The following SLC4A10 variants were observed in gnomAD, a reference collection of about 807,000 sequenced individuals.
SLC4A10 encodes solute carrier family 4 member 10, also known as sodium-driven chloride bicarbonate exchanger.
In SLC4A10, 42 loss-of-function variants were observed where a neutral mutation model predicts 137.7. The ratio of observed to expected loss-of-function variants is 0.30; its 90% CI spans 0.24 to 0.39. The LOEUF (loss-of-function observed/expected upper bound fraction) is 0.39. Ranked by LOEUF, SLC4A10 falls within the 10% of genes least tolerant of loss-of-function variation. SLC4A10 has a pLI of 1.00. For missense variants in SLC4A10, 925 were observed against 1,355.0 expected (o/e 0.68, Z 4.98); for synonymous variants, 474 against 464.1 (o/e 1.02, Z -0.27).
At chr2:161,822,207 AT>A (rs979835339) in intron 3 of SLC4A10, among the ~76,000 whole-genome samples, 1 of 152,206 alleles carries the variant, frequency 6.6e-6, no homozygotes, top group African/African-American at 2.4e-5. Context: ...AGCAATTGAG[AT>A]TTGGGGGTTG....
rs572655509 is a variant in SLC4A10 at position 161,852,460 on chromosome 2, T to C, written c.417-2510T>C. ...CCTGATGCCACTTCCTTATGGAAAG[T>C]TTCATTATAGCCCTTCCACAGAATA... On this transcript the variant is annotated intron_variant, in intron 4 of 26. Transcript: ENST00000446997. Among the ~76,000 whole-genome samples the C allele has an allele frequency of 7.9e-5, 12 of 152,310 alleles. No individual in the cohort carries two copies. In the South Asian group the frequency reaches 2.3e-3, roughly 29 times the overall value.
At chr2:161,710,918 T>A (rs1445077281) in intron 1 of SLC4A10, among the ~76,000 whole-genome samples, 1 of 151,792 alleles carries the variant, frequency 6.6e-6, no homozygotes, top group Non-Finnish European at 1.5e-5. Context: ...TAAATTGTGT[T>A]CACATTTTGA....
chr2:161,661,084 A>T (rs986439656), intron 1 of SLC4A10, among the ~76,000 whole-genome samples: 3 of 152,198 alleles, frequency 2.0e-5, no homozygotes, highest in Non-Finnish European at 4.4e-5. Context: ...TTTAATTTAT[A>T]TCATATAATT....
intron 1 of SLC4A10, among the ~76,000 whole-genome samples, chr2:161,717,916 T>G (rs1264941243): frequency 6.6e-6 from 1 of 152,206 alleles, no homozygotes; most frequent in Non-Finnish European, 1.5e-5. Flanking sequence ...TAAATTCATC[T>G]GGTCCTGGGC....
intron 1 of SLC4A10, among the ~76,000 whole-genome samples, chr2:161,707,821 T>G (rs1470208072): frequency 6.6e-6 from 1 of 151,524 alleles, no homozygotes; most frequent in Non-Finnish European, 1.5e-5. Context: ...ATGAAGAATC[T>G]GAAACATAAA....
chr2:161,780,103 G>T (rs2052837466), intron 2 of SLC4A10, among the ~76,000 whole-genome samples: 2 of 151,932 alleles, frequency 1.3e-5, no homozygotes, highest in African/African-American at 4.8e-5. Flanking sequence ...TATCCATCAT[G>T]TCAGAACAAG....
At chr2:161,769,020 T>A (rs1454841533) in intron 1 of SLC4A10, among the ~76,000 whole-genome samples, 1 of 151,946 alleles carries the variant, frequency 6.6e-6, no homozygotes, top group African/African-American at 2.4e-5. Context: ...AAATTATAAA[T>A]CTACTCTAAC....
At chr2:161,693,375 A>G (rs561337720) in intron 1 of SLC4A10, among the ~76,000 whole-genome samples, 1 of 152,178 alleles carries the variant, frequency 6.6e-6, no homozygotes, top group African/African-American at 2.4e-5. Context: ...CTCAAAAATG[A>G]CAGAATAAAA....
At chr2:161,932,958 G>A (rs1690690126) in intron 15 of SLC4A10, among the ~76,000 whole-genome samples, 1 of 151,720 alleles carries the variant, frequency 6.6e-6, no homozygotes, top group Admixed American at 6.6e-5. Context: ...CCCCATATAA[G>A]TGAGATCACA....
chr2:161,726,193 A>G (rs575476260), intron 1 of SLC4A10, among the ~76,000 whole-genome samples: 1 of 152,318 alleles, frequency 6.6e-6, no homozygotes, highest in South Asian at 2.1e-4. Context: ...GGAGATTAGA[A>G]AAATAACAAT....
At chr2:161,846,020 CT>C (rs2125818846) in intron 4 of SLC4A10, among the ~76,000 whole-genome samples, 1 of 152,108 alleles carries the variant, frequency 6.6e-6, no homozygotes, top group Admixed American at 6.6e-5. Context: ...GTGAAAGATT[CT>C]GTTAAGTGGA....
chr2:161,718,534 T>A (rs992039544), intron 1 of SLC4A10, among the ~76,000 whole-genome samples: 3 of 152,174 alleles, frequency 2.0e-5, no homozygotes, highest in African/African-American at 7.2e-5. Flanking sequence ...ACTTCCTGAT[T>A]TTTGCCTTAA....
chr2:161,966,561 T>C (rs796307398), intron 23 of SLC4A10, among the ~76,000 whole-genome samples: 7 of 152,066 alleles, frequency 4.6e-5, no homozygotes, highest in African/African-American at 1.7e-4. Flanking sequence ...CCATATTGGC[T>C]AACATGGTGA....
At chr2:161,967,695 T>C (rs1172103875) in intron 23 of SLC4A10, among the ~76,000 whole-genome samples, 1 of 152,216 alleles carries the variant, frequency 6.6e-6, no homozygotes, top group Non-Finnish European at 1.5e-5. Flanking sequence ...CTCACATTTA[T>C]TTCAATGTTT....
At chr2:161,907,533 GTAGA>G (rs1388252110) in intron 15 of SLC4A10, among the ~76,000 whole-genome samples, 1 of 152,220 alleles carries the variant, frequency 6.6e-6, no homozygotes, top group Non-Finnish European at 1.5e-5. Context: ...AGTAGGGAAT[GTAGA>G]TAAACAGACA....
At chr2:161,966,644 G>T (rs530606950) in intron 23 of SLC4A10, among the ~76,000 whole-genome samples, 6 of 151,798 alleles carry the variant, frequency 4.0e-5, no homozygotes, top group Admixed American at 2.6e-4. Context: ...AGCTACTCAG[G>T]AGGCTGAGGC....
intron 4 of SLC4A10, among the ~76,000 whole-genome samples, chr2:161,850,604 T>TA (rs1186765612): frequency 6.6e-6 from 1 of 152,194 alleles, no homozygotes; most frequent in African/African-American, 2.4e-5. Context: ...TTCTCCCTTT[T>TA]AAAAAATTAG....
chr2:161,737,502 TTTTA>T (rs1226246524), intron 1 of SLC4A10, among the ~76,000 whole-genome samples: 21 of 150,046 alleles, frequency 1.4e-4, no homozygotes, highest in Non-Finnish European at 4.4e-5. Context: ...CACTTGAGAT[TTTTA>T]TTTGTCTTTC....
At chr2:161,850,445 A>G (rs1307276640) in intron 4 of SLC4A10, among the ~76,000 whole-genome samples, 1 of 152,114 alleles carries the variant, frequency 6.6e-6, no homozygotes, top group East Asian at 1.9e-4. Context: ...AATCTTGGGC[A>G]GTTGAATATT....
Sources: allele counts gnomAD v4.1 joint callset (sites outside exome capture counted in the v4.1 genomes callset), GRCh38; gene constraint gnomAD v4.1.1; transcripts MANE v1.5; gene names NCBI Gene and HGNC (gene_info 2026-07-23, HGNC 2026-07-21).